The following MARCHF1 variants were observed in gnomAD, a reference collection of about 807,000 sequenced individuals.
The protein encoded by MARCHF1 is membrane associated ring-CH-type finger 1, also known as E3 ubiquitin-protein ligase MARCHF1.
Under a neutral mutation model 54.2 loss-of-function variants are expected in MARCHF1, and 40 were observed. That is an observed-to-expected ratio of 0.74 (90% CI 0.57 to 0.96). The LOEUF is 0.96. MARCHF1 is among the 40% of genes least tolerant of loss of function. The pLI is 0.00. For missense variants in MARCHF1, 586 were observed against 656.5 expected, an observed-to-expected ratio of 0.89 and a Z score of 1.17; for synonymous variants, 236 against 236.3, an observed-to-expected ratio of 1.00 and a Z score of 0.01.
chr4:163,683,775 T>C (rs1192250328), intron 5 of MARCHF1, among the ~76,000 whole-genome samples: 1 of 152,172 alleles, frequency 6.6e-6, no homozygotes, highest in Non-Finnish European at 1.5e-5. Flanking sequence ...ATGATGACAA[T>C]TTATTTTGCT....
chr4:164,270,643 T>C (rs907905518), intron 1 of MARCHF1, among the ~76,000 whole-genome samples: 13 of 152,154 alleles, frequency 8.5e-5, no homozygotes, highest in Admixed American at 7.9e-4. Context: ...ATTAACTAAT[T>C]CAAGGAGCTA....
rs141977861 is a variant in MARCHF1, at chr4:164,116,770, T to C, written c.-322-5108A>G. The stretch of plus-strand genomic sequence containing the variant: ...GAAAAAAATACACAAGAAACAAATG[T>C]GTGTGTGTGTATGCATACCATTTAA... On this transcript the variant is annotated intron_variant, in intron 1 of 9. Coordinates refer to ENST00000514618, the MANE Select transcript of MARCHF1 (RefSeq NM_001394959.1). Among the ~76,000 whole-genome samples, 234 of 151,796 alleles carry C rather than the reference T, an allele frequency of 1.5e-3. 7 individuals carry two copies. The East Asian group carries it at 0.038, about 24-fold the overall frequency.
intron 9 of MARCHF1, among the ~76,000 whole-genome samples, chr4:163,535,413 G>A (rs1477016162): frequency 2.0e-5 from 3 of 152,000 alleles, no homozygotes; most frequent in Non-Finnish European, 2.9e-5. Context: ...TGCCAAAGGT[G>A]AGCTTATTAC....
chr4:164,000,036 C>A (rs1753156089), intron 2 of MARCHF1, among the ~76,000 whole-genome samples: 1 of 151,648 alleles, frequency 6.6e-6, no homozygotes, highest in Admixed American at 6.6e-5. Context: ...TCCCTGATTA[C>A]ACTGCCCTTG....
Position 164,147,588 on chromosome 4 carries a change from C to T in MARCHF1, c.-322-35926G>A, listed in dbSNP as rs537143486. ...TATCACAAGAACCAAAAACCAAACACGCATATTCTCACTCATAGGTGGGAA... is the reference window on the plus strand; with the variant it reads ...TATCACAAGAACCAAAAACCAAACATGCATATTCTCACTCATAGGTGGGAA... On this transcript the variant is annotated intron_variant, in intron 1 of 9. Transcript: ENST00000514618. Among the ~76,000 whole-genome samples, 211 of 142,710 alleles carry T rather than the reference C, an allele frequency of 1.5e-3. 1 individual carries two copies. The highest frequency in any genetic ancestry group is 2.5e-3 in the Non-Finnish European group (164 of 66,404). The allele number at this position is 142,710 out of a possible 152,430, so 93.6% of individuals were successfully genotyped here. A position where few individuals can be genotyped will look rare whatever the true frequency, so the allele number is the denominator to read the frequency against.
intron 1 of MARCHF1, among the ~76,000 whole-genome samples, chr4:164,289,212 G>C (rs1177865431): frequency 6.6e-6 from 1 of 151,970 alleles, no homozygotes; most frequent in Non-Finnish European, 1.5e-5. Flanking sequence ...TTATGTATTA[G>C]AGTCTAATGA....
intron 1 of MARCHF1, among the ~76,000 whole-genome samples, chr4:164,249,946 T>C (rs2111240681): frequency 6.6e-6 from 1 of 152,230 alleles, no homozygotes; most frequent in Non-Finnish European, 1.5e-5. Flanking sequence ...AAACAATTAC[T>C]GAGCAACTCC....
chr4:163,658,952 T>G (rs561785561), intron 5 of MARCHF1, among the ~76,000 whole-genome samples: 2 of 151,638 alleles, frequency 1.3e-5, no homozygotes, highest in South Asian at 2.1e-4. Context: ...GAACTTAAAA[T>G]AAAAAGGATC....
chr4:164,085,297 C>T (rs1363820666), intron 2 of MARCHF1, among the ~76,000 whole-genome samples: 2 of 151,448 alleles, frequency 1.3e-5, no homozygotes, highest in African/African-American at 4.8e-5. Flanking sequence ...CTAGATAAAC[C>T]AAAAATATTA....
intron 3 of MARCHF1, among the ~76,000 whole-genome samples, chr4:163,873,061 A>ACAAG: frequency 7.5e-6 from 1 of 133,424 alleles, no homozygotes; most frequent in Admixed American, 7.8e-5. Context: ...AAACAAACAA[A>ACAAG]CAAACAAAAA....
chr4:163,735,105 A>C (rs2111339930), intron 4 of MARCHF1, among the ~76,000 whole-genome samples: 1 of 152,196 alleles, frequency 6.6e-6, no homozygotes, highest in Middle Eastern at 3.4e-3. Context: ...GGATATTTAC[A>C]TCTTGCTTCC....
rs558723847 is a variant in MARCHF1, at chr4:163,555,235, T to TG, written c.1192-9493dup. Among the ~76,000 whole-genome samples the TG allele has an allele frequency of 8.8e-4, 134 of 152,318 alleles. 1 individual carries two copies. Among genetic ancestry groups the TG allele is most frequent in the African/African-American group, 2.5e-3 (105 of 41,568 alleles). On this transcript the variant is annotated intron_variant, in intron 8 of 9. Coordinates refer to ENST00000514618, the MANE Select transcript of MARCHF1 (RefSeq NM_001394959.1). ...CTAAGCTTTGTTCCAGATTTATATC[T>TG]GGGGGTGTGGCCTAGGAATCTGCAT...
intron 4 of MARCHF1, among the ~76,000 whole-genome samples, chr4:163,839,669 T>C (rs1283208514): frequency 6.6e-6 from 1 of 151,980 alleles, no homozygotes; most frequent in Non-Finnish European, 1.5e-5. Flanking sequence ...AGAGACAAAG[T>C]GGATCATAGT....
intron 1 of MARCHF1, among the ~76,000 whole-genome samples, chr4:164,270,138 T>C: frequency 6.6e-6 from 1 of 152,162 alleles, no homozygotes; most frequent in Non-Finnish European, 1.5e-5. Context: ...TCATCTTCCC[T>C]TGGCTGATTC....
At chr4:164,151,465 A>G (rs973765500) in intron 1 of MARCHF1, among the ~76,000 whole-genome samples, 1 of 152,160 alleles carries the variant, frequency 6.6e-6, no homozygotes, top group Admixed American at 6.5e-5. Flanking sequence ...GTGCTTTTTA[A>G]TGTTACAAAC....
intron 3 of MARCHF1, among the ~76,000 whole-genome samples, chr4:163,880,534 A>G: frequency 6.6e-6 from 1 of 151,462 alleles, no homozygotes; most frequent in East Asian, 1.9e-4. Flanking sequence ...CCTTTAAATT[A>G]TTACTATTAC....
intron 7 of MARCHF1, among the ~76,000 whole-genome samples, chr4:163,595,520 A>G (rs879356435): frequency 6.6e-6 from 1 of 152,158 alleles, no homozygotes; most frequent in Non-Finnish European, 1.5e-5. Context: ...CTGTCTCCAA[A>G]AAATGTGGTA....
At chr4:164,051,627 G>A (rs1042310834) in intron 2 of MARCHF1, among the ~76,000 whole-genome samples, 8 of 152,080 alleles carry the variant, frequency 5.3e-5, no homozygotes, top group Admixed American at 1.3e-4. Flanking sequence ...TACTATAAGA[G>A]GTGTCTACAA....
At chr4:163,883,982 A>G (rs934672591) in intron 3 of MARCHF1, among the ~76,000 whole-genome samples, 1 of 152,186 alleles carries the variant, frequency 6.6e-6, no homozygotes, top group Non-Finnish European at 1.5e-5. Context: ...ATTACTGACC[A>G]TCTCCCCAGG....
Sources: allele counts gnomAD v4.1 joint callset (sites outside exome capture counted in the v4.1 genomes callset), GRCh38; gene constraint gnomAD v4.1.1; transcripts MANE v1.5; gene names NCBI Gene and HGNC (gene_info 2026-07-23, HGNC 2026-07-21).